The following UBE2E2 variants were observed in gnomAD, a reference collection of about 807,000 sequenced individuals.
UBE2E2 encodes the protein ubiquitin-conjugating enzyme E2 E2.
A neutral mutation model predicts 24.7 loss-of-function variants in UBE2E2; 6 were observed. The observed-to-expected ratio is 0.24, with a 90% CI of 0.13 to 0.48. The LOEUF is 0.48. UBE2E2 is among the 20% of genes least tolerant of loss of function. The probability of loss-of-function intolerance (pLI) is 0.99; values close to 1 mark genes in which losing one functional copy is unlikely to be tolerated. For synonymous variants in UBE2E2, 104 were observed against 83.6 expected (o/e 1.24, Z -1.33); for missense variants, 169 against 245.0 (o/e 0.69, Z 2.07).
intron 3 of UBE2E2, among the ~76,000 whole-genome samples, chr3:23,406,854 A>G (rs1047893237): frequency 5.3e-5 from 8 of 152,174 alleles, no homozygotes; most frequent in Admixed American, 2.0e-4. Context: ...ATACCTCCCT[A>G]TTGATGAATT....
In UBE2E2 at chr3:23,590,210, G is replaced by A. The variant is rs980239208; in HGVS notation, c.*379G>A. ...TTGTTTTTTTTGTTGTTGTTTATTT[G>A]ATTTTGATTTTTTTTTCTTTTATGT... is the stretch of plus-strand genomic sequence containing the variant. On this transcript the variant is annotated 3_prime_UTR_variant, in exon 6 of 6. Transcript: ENST00000396703. 5.9e-6 allele frequency: 1 copy of A among 170,526 alleles called. No individual in the cohort carries two copies. Among genetic ancestry groups the A allele is most frequent in the East Asian group, 1.6e-4 (1 of 6,202 alleles). 10.6% of individuals were successfully genotyped at this position (170,526 alleles called of 1,614,324 possible). A position where few individuals can be genotyped will look rare whatever the true frequency, so the allele number is the denominator to read the frequency against.
chr3:23,203,806 T>A (rs974090964), intron 1 of UBE2E2, among the ~76,000 whole-genome samples: 26 of 151,660 alleles, frequency 1.7e-4, no homozygotes, highest in Non-Finnish European at 3.8e-4. Context: ...TGGAACTAAG[T>A]CTTTTCAAAA....
At position 23,291,746 on chromosome 3, in the gene UBE2E2, G is replaced by A. The variant is rs943441367; in HGVS notation, c.227+74434G>A. 2.9e-5 allele frequency among the ~76,000 whole-genome samples: 4 copies of A among 136,478 alleles called. No homozygotes were observed. The East Asian group carries it at 6.7e-4, about 23-fold the overall frequency. 89.5% of individuals were successfully genotyped at this position (136,478 alleles called of 152,430 possible). On this transcript the variant is annotated intron_variant, in intron 3 of 5. Coordinates refer to ENST00000396703, the MANE Select transcript of UBE2E2 (RefSeq NM_152653.4). ...TGCCCAGGCTGGAGTGCAGTGGCAC[G>A]ATCTTGGCTCACTGCAACCTCCGTC...
At position 23,409,342 on chromosome 3, in the gene UBE2E2, G is replaced by A. The variant is rs748643821; in HGVS notation, c.228-90266G>A. Among the ~76,000 whole-genome samples the A allele has an allele frequency of 1.4e-4, 22 of 152,236 alleles. No individual in the cohort carries two copies. The East Asian group carries it at 3.1e-3, about 21-fold the overall frequency. ...GATGTAATGCCAAACCAAAGTCAGC[G>A]TATTTTCAGGTACACACAAAATAAT... On this transcript the variant is annotated intron_variant, in intron 3 of 5. Transcript: ENST00000396703.
chr3:23,405,219 G>C (rs1331377817), intron 3 of UBE2E2, among the ~76,000 whole-genome samples: 3 of 152,130 alleles, frequency 2.0e-5, no homozygotes, highest in Non-Finnish European at 4.4e-5. Context: ...ATGTCTCTTA[G>C]CTTTTTACAC....
chr3:23,483,152 A>G (rs564540643), intron 3 of UBE2E2, among the ~76,000 whole-genome samples: 111 of 152,322 alleles, frequency 7.3e-4, no homozygotes, highest in African/African-American at 2.6e-3. Flanking sequence ...AGTCCACACT[A>G]AGCCTTGCTG....
intron 4 of UBE2E2, among the ~76,000 whole-genome samples, chr3:23,504,905 A>ATTTTTTTTT (rs1694399970): frequency 1.3e-5 from 1 of 74,184 alleles, no homozygotes; most frequent in Non-Finnish European, 2.7e-5. Flanking sequence ...TGTTTCAGAC[A>ATTTTTTTTT]TTCTTTCTTT....
At chr3:23,564,434 T>A (rs954643763) in intron 5 of UBE2E2, among the ~76,000 whole-genome samples, 1 of 152,166 alleles carries the variant, frequency 6.6e-6, no homozygotes, top group Non-Finnish European at 1.5e-5. Flanking sequence ...GGCTGTATAA[T>A]GTAGTGCTTG....
At chr3:23,516,285 A>C (rs754059689) in intron 4 of UBE2E2, among the ~76,000 whole-genome samples, 2 of 152,264 alleles carry the variant, frequency 1.3e-5, no homozygotes, top group African/African-American at 4.8e-5. Flanking sequence ...AAAATATTCA[A>C]AGCACCTTCT....
chr3:23,540,407 T>TGTTA (rs970341363), intron 5 of UBE2E2, among the ~76,000 whole-genome samples: 1 of 151,762 alleles, frequency 6.6e-6, no homozygotes, highest in African/African-American at 2.4e-5. Flanking sequence ...TTTGTTTGTT[T>TGTTA]GTTTGTTTGT....
chr3:23,427,301 GT>G (rs1388074078), intron 3 of UBE2E2, among the ~76,000 whole-genome samples: 1 of 150,940 alleles, frequency 6.6e-6, no homozygotes, highest in African/African-American at 2.4e-5. Flanking sequence ...GTCATTGTAT[GT>G]GCCTGTAGTT....
chr3:23,511,670 T>C (rs1424330866), intron 4 of UBE2E2, among the ~76,000 whole-genome samples: 1 of 152,214 alleles, frequency 6.6e-6, no homozygotes, highest in African/African-American at 2.4e-5. Flanking sequence ...AAGAAAAGAA[T>C]GATGACTGAA....
intron 3 of UBE2E2, among the ~76,000 whole-genome samples, chr3:23,224,497 G>A (rs1031232299): frequency 8.1e-5 from 12 of 148,234 alleles, no homozygotes; most frequent in African/African-American, 2.7e-4. Flanking sequence ...ATTTTTGTGT[G>A]TTGATTTTGC....
intron 3 of UBE2E2, among the ~76,000 whole-genome samples, chr3:23,425,889 G>A (rs562786102): frequency 1.3e-5 from 2 of 152,046 alleles, no homozygotes; most frequent in Non-Finnish European, 2.9e-5. Flanking sequence ...ACACTTCGAA[G>A]AGACAGAACA....
intron 4 of UBE2E2, among the ~76,000 whole-genome samples, chr3:23,513,358 G>A (rs1694651224): frequency 6.6e-6 from 1 of 152,006 alleles, no homozygotes; most frequent in South Asian, 2.1e-4. Context: ...TTTACTTTTT[G>A]CATTTACCAT....
intron 3 of UBE2E2, among the ~76,000 whole-genome samples, chr3:23,497,557 C>T (rs1329354167): frequency 6.6e-6 from 1 of 152,136 alleles, no homozygotes; most frequent in Non-Finnish European, 1.5e-5. Context: ...GCTTACATTT[C>T]TTTTAAAATG....
chr3:23,393,469 T>G (rs1040423673), intron 3 of UBE2E2, among the ~76,000 whole-genome samples: 2 of 152,190 alleles, frequency 1.3e-5, no homozygotes, highest in African/African-American at 4.8e-5. Flanking sequence ...ACTTGTAAAT[T>G]ATCAGGTCCT....
intron 4 of UBE2E2, 73 bp from the exon 5 acceptor site, chr3:23,532,481 A>G: frequency 3.7e-6 from 5 of 1,338,038 alleles, no homozygotes; most frequent in Non-Finnish European, 4.9e-6. Flanking sequence ...CAATTTTATT[A>G]GACAAAAATT....
At chr3:23,249,049 T>G (rs1219899348) in intron 3 of UBE2E2, among the ~76,000 whole-genome samples, 2 of 152,086 alleles carry the variant, frequency 1.3e-5, no homozygotes, top group Non-Finnish European at 2.9e-5. Flanking sequence ...CGTGGGAGGA[T>G]TGCTTGAGCC....
Sources: gnomAD v4.1 joint callset for allele counts (sites outside exome capture counted in the v4.1 genomes callset) on GRCh38, gnomAD v4.1.1 for gene constraint, MANE v1.5 for transcripts, NCBI Gene and HGNC (gene_info 2026-07-23, HGNC 2026-07-21) for gene names.